The following UMAD1 variants were observed in gnomAD, a reference collection of about 807,000 sequenced individuals.
UMAD1 encodes UBAP1-MVB12-associated (UMA)-domain containing protein 1.
Under a neutral mutation model 6.1 loss-of-function variants are expected in UMAD1, and 8 were observed. The ratio of observed to expected loss-of-function variants is 1.30; its 90% confidence interval spans 0.76 to 2.35. The LOEUF (loss-of-function observed/expected upper bound fraction) is 2.35. UMAD1 is among the 30% of genes most tolerant of loss of function. The pLI is 0.00. For synonymous variants in UMAD1, 56 were observed against 31.4 expected (o/e 1.78, Z -2.61); for missense variants, 130 against 78.4 (o/e 1.66, Z -2.49).
At chr7:7,772,870 G>C (rs1253671834) in intron 2 of UMAD1, among the ~76,000 whole-genome samples, 2 of 152,184 alleles carry the variant, frequency 1.3e-5, no homozygotes, top group Non-Finnish European at 2.9e-5. Context: ...CTGTGTGAAA[G>C]TGGATTAGAT....
intron 3 of UMAD1, among the ~76,000 whole-genome samples, chr7:7,848,853 A>C (rs954661305): frequency 3.3e-5 from 5 of 152,134 alleles, no homozygotes; most frequent in African/African-American, 1.2e-4. Flanking sequence ...TTCATATTTT[A>C]CTGCCAACTT....
In UMAD1 at chr7:7,878,753, T is replaced by G. The variant is rs750923291; in HGVS notation, c.*1215T>G. 2 of 152,224 alleles carry G rather than the reference T, an allele frequency of 1.3e-5. No individual in the cohort carries two copies. Among genetic ancestry groups the G allele is most frequent in the Non-Finnish European group, 2.9e-5 (2 of 68,022 alleles). 9.4% of individuals were successfully genotyped at this position (152,224 alleles called of 1,614,324 possible). On this transcript the variant is annotated 3_prime_UTR_variant, in exon 4 of 4. Transcript: ENST00000682710. ...TAAAGGTACATGAATTATTCCAGTT[T>G]TAAAGTATTATGCATGTTTGTTTAA...
At position 7,830,868 on chromosome 7, in the gene UMAD1, CA is replaced by C. The variant is rs576176575; in HGVS notation, c.156+29126del. 5.4e-3 allele frequency among the ~76,000 whole-genome samples: 826 copies of C among 152,176 alleles called. 5 individuals carry two copies. The highest frequency in any genetic ancestry group is 0.019 in the African/African-American group (770 of 41,526). On this transcript the variant is annotated intron_variant, in intron 3 of 3. Transcript: ENST00000682710. This position sits in a 1 kb window ranked among gnomAD's most constrained non-coding sequence, Gnocchi z 5.3. ...ATCTTCCCATCTTTTTAAGTATCTG[CA>C]TAGAAAAATTTGTTATTAGTTTTTA...
At chr7:7,685,268 A>G (rs1202341735) in intron 2 of UMAD1, among the ~76,000 whole-genome samples, 2 of 150,866 alleles carry the variant, frequency 1.3e-5, no homozygotes, top group African/African-American at 4.9e-5. Context: ...CATGCAACCA[A>G]TGCATATTAT....
intron 2 of UMAD1, among the ~76,000 whole-genome samples, chr7:7,710,688 A>G (rs1382904528): frequency 6.6e-6 from 1 of 152,220 alleles, no homozygotes; most frequent in Non-Finnish European, 1.5e-5. Flanking sequence ...CAGCAATTAC[A>G]CTTTGGGCAT....
chr7:7,674,408 A>G (rs540342971), intron 2 of UMAD1, among the ~76,000 whole-genome samples: 2 of 152,296 alleles, frequency 1.3e-5, no homozygotes, highest in African/African-American at 4.8e-5. Context: ...ACCAGAATAG[A>G]GTTTTTCTCG....
chr7:7,766,552 A>T (rs760253111), intron 2 of UMAD1, among the ~76,000 whole-genome samples: 1 of 152,178 alleles, frequency 6.6e-6, no homozygotes, highest in Admixed American at 6.5e-5. Context: ...CTTCTTCTCA[A>T]TCATACAGGT....
At position 7,643,511 on chromosome 7, in the gene UMAD1, G is replaced by T. The variant is rs1389427856; in HGVS notation, c.-64+2690G>T. ...GGATCACCTCAGATCAGAAGTTCAA[G>T]ACCACCCTGGTCAACATGGTGAAAC... On this transcript the variant is annotated intron_variant, in intron 1 of 3. Transcript: ENST00000682710. Among the ~76,000 whole-genome samples the T allele has an allele frequency of 2.6e-5, 4 of 152,188 alleles. No homozygotes were observed. The East Asian group carries it at 7.7e-4, about 29-fold the overall frequency.
At chr7:7,820,257 G>A (rs1278807411) in intron 3 of UMAD1, among the ~76,000 whole-genome samples, 1 of 151,834 alleles carries the variant, frequency 6.6e-6, no homozygotes, top group Non-Finnish European at 1.5e-5. Flanking sequence ...ATATGAGAAT[G>A]TTTCATTTTC....
intron 2 of UMAD1, among the ~76,000 whole-genome samples, chr7:7,745,086 A>G (rs1781545936): frequency 6.6e-6 from 1 of 152,224 alleles, no homozygotes; most frequent in Admixed American, 6.5e-5. Flanking sequence ...AAAGCAAGCT[A>G]GAGAAAAAAA....
chr7:7,801,859 C>T, intron 3 of UMAD1, 116 bp downstream of exon 3: 2 of 639,274 alleles, frequency 3.1e-6, no homozygotes, highest in Admixed American at 2.6e-5. Flanking sequence ...TGCCTGAATA[C>T]AGGGAAACAA....
intron 3 of UMAD1, among the ~76,000 whole-genome samples, chr7:7,835,788 G>A (rs1273648826): frequency 6.6e-6 from 1 of 151,714 alleles, no homozygotes; most frequent in Non-Finnish European, 1.5e-5. Context: ...GTTTTCTGAG[G>A]TTTTGTTTCC....
chr7:7,660,630 C>T (rs962457109), intron 1 of UMAD1, among the ~76,000 whole-genome samples: 1 of 152,064 alleles, frequency 6.6e-6, no homozygotes, highest in African/African-American at 2.4e-5. Context: ...ACTATTGGCC[C>T]CACTCTCTTC....
At chr7:7,872,947 C>T (rs906515186) in intron 3 of UMAD1, among the ~76,000 whole-genome samples, 2 of 152,092 alleles carry the variant, frequency 1.3e-5, no homozygotes, top group East Asian at 1.9e-4. Context: ...ATTTGAACTA[C>T]CAGTGAGTGT....
chr7:7,669,084 GT>G (rs11340786), intron 1 of UMAD1, among the ~76,000 whole-genome samples: 101,861 of 148,898 alleles, frequency 0.68, 34,746 homozygotes, highest in East Asian at 0.86. Flanking sequence ...TGGGAATCAA[GT>G]TTTTTTTTTT....
Position 7,871,626 on chromosome 7 carries a change from A to T in UMAD1, c.157-5655A>T, listed in dbSNP as rs114695162. On this transcript the variant is annotated intron_variant, in intron 3 of 3. Coordinates refer to ENST00000682710, the MANE Select transcript of UMAD1 (RefSeq NM_001302348.2). ...GCTGTCTTGTCATCATTGTCATCCT[A>T]GTTGTCTTCATCATCTTCATCTTTT... 3.4e-3 allele frequency among the ~76,000 whole-genome samples: 515 copies of T among 152,210 alleles called. 4 individuals carry two copies. Among genetic ancestry groups the T allele is most frequent in the African/African-American group, 0.012 (494 of 41,508 alleles).
At chr7:7,799,941 T>A (rs1269516797) in intron 2 of UMAD1, among the ~76,000 whole-genome samples, 2 of 152,252 alleles carry the variant, frequency 1.3e-5, no homozygotes, top group Admixed American at 6.5e-5. Context: ...TGGAGTGCAA[T>A]GGCGCGTTCT....
intron 2 of UMAD1, among the ~76,000 whole-genome samples, chr7:7,749,058 T>G (rs1304198314): frequency 6.6e-6 from 1 of 152,220 alleles, no homozygotes; most frequent in Non-Finnish European, 1.5e-5. Flanking sequence ...TAAAAAAAAT[T>G]TCCCTTGATA....
intron 3 of UMAD1, among the ~76,000 whole-genome samples, chr7:7,853,976 G>A (rs1321108294): frequency 2.0e-5 from 3 of 152,130 alleles, no homozygotes; most frequent in South Asian, 4.1e-4. Flanking sequence ...GGTTGCTGAA[G>A]AGCCCTTCTA....
Sources: allele counts gnomAD v4.1 joint callset (sites outside exome capture counted in the v4.1 genomes callset), GRCh38; gene constraint gnomAD v4.1.1; non-coding constraint Gnocchi (gnomAD v3.1); transcripts MANE v1.5; gene names NCBI Gene and HGNC (gene_info 2026-07-23, HGNC 2026-07-21).